RASGRF2: variants seen among roughly 807,000 people sequenced by gnomAD.
RASGRF2 encodes Ras protein specific guanine nucleotide releasing factor 2.
In RASGRF2, 76 loss-of-function variants were observed where a neutral mutation model predicts 151.0. The observed-to-expected ratio is 0.50, with a 90% CI of 0.42 to 0.61. The LOEUF (loss-of-function observed/expected upper bound fraction) is 0.61. Among genes scored for constraint, RASGRF2 ranks in the 20% least tolerant of loss-of-function variants. RASGRF2 has a pLI of 0.00. For synonymous variants in RASGRF2, 504 were observed against 566.5 expected (o/e 0.89, Z 1.57); for missense variants, 1,148 against 1,564.6 (o/e 0.73, Z 4.49).
intron 17 of RASGRF2, among the ~76,000 whole-genome samples, chr5:81,153,481 G>A (rs1203677502): frequency 6.6e-6 from 1 of 152,314 alleles, no homozygotes; most frequent in East Asian, 1.9e-4. Context: ...GCTGGAAAAA[G>A]CAAGAAAATG....
At chr5:81,107,135 G>A (rs1286418012) in intron 12 of RASGRF2, among the ~76,000 whole-genome samples, 2 of 150,666 alleles carry the variant, frequency 1.3e-5, no homozygotes, top group African/African-American at 4.9e-5. Flanking sequence ...GAAGATGGGA[G>A]GATCGCTTGA....
chr5:81,154,658 G>A (rs571036417), intron 17 of RASGRF2, among the ~76,000 whole-genome samples: 287 of 152,238 alleles, frequency 1.9e-3, no homozygotes, highest in Middle Eastern at 0.01. Context: ...AACACAGTTA[G>A]AAATTAATAA....
intron 2 of RASGRF2, among the ~76,000 whole-genome samples, chr5:81,061,980 C>A (rs1751448538): frequency 7.2e-6 from 1 of 139,596 alleles, no homozygotes; most frequent in Admixed American, 7.8e-5. Flanking sequence ...TGAGCCACCA[C>A]ACCTGATCCC....
intron 1 of RASGRF2, among the ~76,000 whole-genome samples, chr5:80,990,203 A>G (rs1748603471): frequency 6.7e-6 from 1 of 150,262 alleles, no homozygotes; most frequent in Admixed American, 6.7e-5. Context: ...CCTCTTACTA[A>G]TTTGACTGCC....
intron 17 of RASGRF2, among the ~76,000 whole-genome samples, chr5:81,157,052 T>C (rs1039289024): frequency 6.6e-6 from 1 of 152,110 alleles, no homozygotes; most frequent in African/African-American, 2.4e-5. Context: ...AAAACAATTC[T>C]ATTCACAACA....
At chr5:81,177,362 T>C (rs1158967832) in intron 17 of RASGRF2, among the ~76,000 whole-genome samples, 4 of 152,008 alleles carry the variant, frequency 2.6e-5, no homozygotes, top group Non-Finnish European at 5.9e-5. Flanking sequence ...CCTGTCTACA[T>C]TCGAAGAGGA....
intron 17 of RASGRF2, among the ~76,000 whole-genome samples, chr5:81,165,612 ACT>A (rs1282664984): frequency 6.6e-6 from 1 of 152,176 alleles, no homozygotes; most frequent in Admixed American, 6.5e-5. Flanking sequence ...AATTTCCAGC[ACT>A]GTTTTCACCT....
intron 5 of RASGRF2, among the ~76,000 whole-genome samples, chr5:81,076,042 A>T (rs548066911): frequency 6.6e-6 from 1 of 152,318 alleles, no homozygotes; most frequent in Admixed American, 6.5e-5. Context: ...AGCAAGAGGG[A>T]ACCAACAACG....
intron 5 of RASGRF2, 44 bp from the exon 6 acceptor site, chr5:81,080,077 C>T: frequency 6.4e-7 from 1 of 1,567,470 alleles, no homozygotes; most frequent in African/African-American, 1.4e-5. Context: ...ACAAAATAAA[C>T]ACATTATAGC....
intron 17 of RASGRF2, among the ~76,000 whole-genome samples, chr5:81,157,310 C>T (rs1158303352): frequency 5.8e-4 from 87 of 149,144 alleles, no homozygotes; most frequent in Admixed American, 2.7e-3. Context: ...GAGCCGAGAT[C>T]GCGCCACTGC....
rs930359215 is a variant in RASGRF2, at chr5:81,228,689, T to C, written c.*2919T>C. ...GAGCTTTTAGGGGATGCCTTTTCGT[T>C]ATTAACTGAGACATCTAGTTTTGCT... On this transcript the variant is annotated 3_prime_UTR_variant, in exon 27 of 27. Transcript: ENST00000265080. The C allele has an allele frequency of 6.6e-6, 1 of 152,248 alleles. No individual in the cohort carries two copies. Among genetic ancestry groups the C allele is most frequent in the Non-Finnish European group, 1.5e-5 (1 of 68,040 alleles). 9.4% of individuals were successfully genotyped at this position (152,248 alleles called of 1,614,324 possible).
chr5:81,011,895 ATTTCTT>A (rs1187832096), intron 1 of RASGRF2, among the ~76,000 whole-genome samples: 1 of 152,144 alleles, frequency 6.6e-6, no homozygotes. Context: ...CATTATATAT[ATTTCTT>A]TTTCTTTTAG....
At chr5:81,076,482 T>C (rs1412101176) in intron 5 of RASGRF2, among the ~76,000 whole-genome samples, 1,119 of 117,426 alleles carry the variant, frequency 9.5e-3, no homozygotes, top group Middle Eastern at 0.087. Context: ...AGTGTCGGAG[T>C]TGGAGAAGAG....
intron 1 of RASGRF2, among the ~76,000 whole-genome samples, chr5:81,022,729 C>T (rs1443647375): frequency 6.6e-6 from 1 of 152,176 alleles, no homozygotes; most frequent in Non-Finnish European, 1.5e-5. Context: ...GTCCTCCTCC[C>T]TGGGAGAGGG....
At chr5:80,977,793 T>C (rs1308497461) in intron 1 of RASGRF2, among the ~76,000 whole-genome samples, 1 of 152,218 alleles carries the variant, frequency 6.6e-6, no homozygotes, top group African/African-American at 2.4e-5. Context: ...ATTACATTTT[T>C]TCATTTAAGT....
At chr5:81,088,333 C>G (rs34783724) in intron 9 of RASGRF2, 41,868 of 152,192 alleles carry the variant, frequency 0.28, 6,054 homozygotes, top group Middle Eastern at 0.47. Context: ...CCTCTTCTTC[C>G]TCCTCCCCTC....
chr5:81,168,451 C>T (rs1056115344), intron 17 of RASGRF2, among the ~76,000 whole-genome samples: 1 of 151,796 alleles, frequency 6.6e-6, no homozygotes, highest in African/African-American at 2.4e-5. Flanking sequence ...GCTGGGGCTA[C>T]AGGCGCACAC....
rs753834130 is a variant in RASGRF2 at position 81,206,878 on chromosome 5, C to T, written c.2940C>T (p.His980=). 3 of 1,610,642 alleles carry T rather than the reference C, an allele frequency of 1.9e-6. No homozygotes were observed. The African/African-American group carries it at 4.0e-5, about 21-fold the overall frequency. The change falls in exon 20 of 27, where the codon CAC becomes CAT. Residue 980 remains histidine, a synonymous_variant. Transcript: ENST00000265080. ...CACAAGATGACCAAGATGACATCCA[C>T]CTAAAATTAGAGGATATAATTCAAA... The part of the protein sequence containing the change: ...ALSQDDQDDI[H]LKLEDIIQMT...
At chr5:80,982,954 C>G (rs1748359208) in intron 1 of RASGRF2, among the ~76,000 whole-genome samples, 1 of 152,082 alleles carries the variant, frequency 6.6e-6, no homozygotes, top group Non-Finnish European at 1.5e-5. Flanking sequence ...TTCTTGATGT[C>G]AAATAGGTCT....
Sources: allele counts gnomAD v4.1 joint callset (sites outside exome capture counted in the v4.1 genomes callset), GRCh38; gene constraint gnomAD v4.1.1; transcripts MANE v1.5; gene names NCBI Gene and HGNC (gene_info 2026-07-23, HGNC 2026-07-21).